The following FIRRM variants were observed in gnomAD, a reference collection of about 807,000 sequenced individuals.
FIRRM encodes the protein FIGNL1-interacting regulator of recombination and mitosis.
At chr1:169,836,725 T>C in the FIRRM span, among the ~76,000 whole-genome samples, 1 of 152,222 alleles carries the variant, frequency 6.6e-6, no homozygotes, top group Non-Finnish European at 1.5e-5. Flanking sequence ...GCTGTGTTTT[T>C]GTTTTGGAAA....
At chr1:169,853,014 T>C in the FIRRM span, 1 of 1,583,500 alleles carries the variant, frequency 6.3e-7, no homozygotes, top group Non-Finnish European at 8.5e-7. Context: ...GAACTGGGTT[T>C]GATGCTTTGT....
the FIRRM span, among the ~76,000 whole-genome samples, chr1:169,798,047 G>A: frequency 8.2e-6 from 1 of 121,892 alleles, no homozygotes; most frequent in Non-Finnish European, 1.8e-5. Flanking sequence ...AAAAAAGATA[G>A]AAGGTGATGA....
the FIRRM span, among the ~76,000 whole-genome samples, chr1:169,784,686 AC>A: frequency 6.6e-6 from 1 of 152,172 alleles, no homozygotes; most frequent in Non-Finnish European, 1.5e-5. Context: ...AAGTCCCCTG[AC>A]TAACAAAGGA....
At chr1:169,850,000 A>G in the FIRRM span, 1 of 504,836 alleles carries the variant, frequency 2.0e-6, no homozygotes, top group Non-Finnish European at 3.5e-6. Flanking sequence ...CATTTGCTGT[A>G]TAGTCATGCC....
the FIRRM span, chr1:169,832,578 CTT>C: frequency 9.8e-7 from 1 of 1,019,792 alleles, no homozygotes; most frequent in Non-Finnish European, 1.5e-6. Context: ...CTTTGATAGC[CTT>C]TTTTTTTCCA....
At chr1:169,784,835 A>G in the FIRRM span, 2 of 152,226 alleles carry the variant, frequency 1.3e-5, no homozygotes, top group Middle Eastern at 3.2e-3. Context: ...ACTATACAAC[A>G]CAAGAGTAAA....
the FIRRM span, among the ~76,000 whole-genome samples, chr1:169,846,365 T>G: frequency 1.3e-5 from 2 of 152,254 alleles, no homozygotes; most frequent in South Asian, 2.1e-4. Context: ...AGCAGCTGCA[T>G]TAGCCCCCAA....
chr1:169,794,702 G>C, the FIRRM span: 1 of 165,240 alleles, frequency 6.1e-6, no homozygotes, highest in South Asian at 1.5e-4. Context: ...CCATCACGCT[G>C]CAAGGCTTGG....
At chr1:169,811,635 A>G in the FIRRM span, among the ~76,000 whole-genome samples, 1 of 152,198 alleles carries the variant, frequency 6.6e-6, no homozygotes. Flanking sequence ...AGCTTGGACA[A>G]CAGAGTGAGA....
chr1:169,831,128 T>C, the FIRRM span, among the ~76,000 whole-genome samples: 1 of 152,214 alleles, frequency 6.6e-6, no homozygotes, highest in Non-Finnish European at 1.5e-5. Context: ...CTCTTGATTT[T>C]GTTGTATTTT....
At chr1:169,793,210 A>G in the FIRRM span, 1 of 1,614,206 alleles carries the variant, frequency 6.2e-7, no homozygotes, top group East Asian at 2.2e-5. Flanking sequence ...AGCCTCCCTC[A>G]TAAACACCTG....
the FIRRM span, chr1:169,837,074 C>A: frequency 6.2e-7 from 1 of 1,602,574 alleles, no homozygotes; most frequent in Non-Finnish European, 8.5e-7. Context: ...CAGGAAATGG[C>A]TGAGCAGGAG....
the FIRRM span, among the ~76,000 whole-genome samples, chr1:169,803,847 T>C: frequency 6.6e-6 from 1 of 152,204 alleles, no homozygotes; most frequent in Non-Finnish European, 1.5e-5. Context: ...GCACCTGGCC[T>C]AATGTTACCC....
chr1:169,793,463 G>A, the FIRRM span: 3 of 1,614,066 alleles, frequency 1.9e-6, no homozygotes, highest in African/African-American at 1.3e-5. Flanking sequence ...TGCACTGAGT[G>A]GACTGTCTGT....
At chr1:169,832,637 C>G in the FIRRM span, 2 of 645,784 alleles carry the variant, frequency 3.1e-6, no homozygotes, top group Admixed American at 2.8e-5. Flanking sequence ...GAGTCTCGCT[C>G]TGTCACCCAG....
the FIRRM span, chr1:169,829,380 G>C: frequency 6.2e-7 from 1 of 1,613,768 alleles, no homozygotes. Flanking sequence ...CTGTCACCTT[G>C]TATCAGCATG....
At chr1:169,846,107 T>C in the FIRRM span, among the ~76,000 whole-genome samples, 418 of 152,334 alleles carry the variant, frequency 2.7e-3, 2 homozygotes, top group African/African-American at 9.8e-3. Context: ...CTTATACGTC[T>C]CCTTCAGAGC....
the FIRRM span, chr1:169,830,200 A>G: frequency 1.5e-6 from 2 of 1,355,790 alleles, no homozygotes; most frequent in Non-Finnish European, 2.1e-6. Context: ...GAAATATAAT[A>G]TTATTGCTTA....
the FIRRM span, among the ~76,000 whole-genome samples, chr1:169,838,606 C>A: frequency 6.6e-6 from 1 of 152,170 alleles, no homozygotes; most frequent in Non-Finnish European, 1.5e-5. Flanking sequence ...TATCCTGCCT[C>A]AGCCTCCAGA....
Sources: gnomAD v4.1 joint callset for allele counts (sites outside exome capture counted in the v4.1 genomes callset) on GRCh38, gnomAD v4.1.1 for gene constraint, MANE v1.5 for transcripts, NCBI Gene and HGNC (gene_info 2026-07-23, HGNC 2026-07-21) for gene names.